TMEM232: variants seen among roughly 807,000 people sequenced by gnomAD.
The protein encoded by TMEM232 is transmembrane protein 232.
TMEM232 carries 80 observed loss-of-function variants against 78.8 expected under a neutral mutation model. That is an observed-to-expected ratio of 1.01 (90% CI 0.85 to 1.22). The LOEUF is 1.22. Ranked by LOEUF, TMEM232 falls within the 50% of genes most tolerant of loss-of-function variation. The pLI is 0.00. For missense variants in TMEM232, 881 were observed against 742.2 expected, an observed-to-expected ratio of 1.19 and a Z score of -2.17; for synonymous variants, 297 against 254.3, an observed-to-expected ratio of 1.17 and a Z score of -1.60.
rs912399599 is a variant in TMEM232, at chr5:110,556,752, G to A, written c.1455+11695C>T. Among the ~76,000 whole-genome samples the A allele has an allele frequency of 2.0e-5, 3 of 152,134 alleles. No individual in the cohort carries two copies. The South Asian group carries it at 6.2e-4, about 32-fold the overall frequency. On this transcript the variant is annotated intron_variant, in intron 11 of 13. Coordinates refer to ENST00000455884, the MANE Select transcript of TMEM232 (RefSeq NM_001039763.4). ...TAGGGTTTCTGCTGAAAGGTCTGCT[G>A]TTAGTCTGATGAGGTTCCCTTTGTA...
At chr5:110,566,782 A>C (rs1449640158) in intron 11 of TMEM232, among the ~76,000 whole-genome samples, 2 of 151,918 alleles carry the variant, frequency 1.3e-5, no homozygotes, top group Non-Finnish European at 2.9e-5. Flanking sequence ...CCAAAGTTGT[A>C]TCCACATTTT....
intron 12 of TMEM232, among the ~76,000 whole-genome samples, chr5:110,463,034 G>C (rs1761707530): frequency 6.6e-6 from 1 of 152,164 alleles, no homozygotes; most frequent in African/African-American, 2.4e-5. Context: ...TGATAAAGCT[G>C]TATCAGGGTT....
At chr5:110,580,459 T>A (rs1489250664) in intron 10 of TMEM232, among the ~76,000 whole-genome samples, 1 of 151,748 alleles carries the variant, frequency 6.6e-6, no homozygotes, top group Non-Finnish European at 1.5e-5. Context: ...TCTAGGTGTG[T>A]GTAAGTATAC....
rs180884235 is a variant in TMEM232 at position 110,441,161 on chromosome 5, A to C, written c.1704-16245T>G. Among the ~76,000 whole-genome samples the C allele has an allele frequency of 2.8e-3, 421 of 152,208 alleles. 2 individuals are homozygous for C. Among genetic ancestry groups the C allele is most frequent in the African/African-American group, 9.9e-3 (411 of 41,558 alleles). On this transcript the variant is annotated intron_variant, in intron 12 of 13. Coordinates refer to ENST00000455884, the MANE Select transcript of TMEM232 (RefSeq NM_001039763.4). Reference sequence around the variant, plus strand: ...CTTGACCATATTGATATTTGGGCTTAGATACTGCTTTGCTGTGGGGGTTGT... The same window carrying C: ...CTTGACCATATTGATATTTGGGCTTCGATACTGCTTTGCTGTGGGGGTTGT...
intron 12 of TMEM232, among the ~76,000 whole-genome samples, chr5:110,486,048 G>T (rs1490862970): frequency 6.6e-6 from 1 of 151,518 alleles, no homozygotes; most frequent in Non-Finnish European, 1.5e-5. Flanking sequence ...TTGTGGTTTT[G>T]ATTTGCATTT....
chr5:110,447,086 A>C (rs1759734586), intron 12 of TMEM232, among the ~76,000 whole-genome samples: 1 of 151,528 alleles, frequency 6.6e-6, no homozygotes. Context: ...CATAGGTACT[A>C]ATTTTGCCAT....
intron 10 of TMEM232, among the ~76,000 whole-genome samples, chr5:110,590,937 G>C (rs952740561): frequency 2.0e-5 from 3 of 152,088 alleles, no homozygotes; most frequent in Non-Finnish European, 4.4e-5. Flanking sequence ...AGAACAGCAT[G>C]AGGGAAACCG....
chr5:110,653,051 A>G (rs1331589761), intron 2 of TMEM232, among the ~76,000 whole-genome samples: 1 of 152,200 alleles, frequency 6.6e-6, no homozygotes, highest in African/African-American at 2.4e-5. Flanking sequence ...CATTTGTTCA[A>G]TAACTATTTA....
chr5:110,400,326 T>A (rs1755543056), intron 2 of TMEM232, among the ~76,000 whole-genome samples: 4 of 152,250 alleles, frequency 2.6e-5, no homozygotes, highest in African/African-American at 9.6e-5. Context: ...CGTGTCATGA[T>A]TTCACTGATA....
intron 1 of TMEM232, among the ~76,000 whole-genome samples, chr5:110,711,997 G>C (rs1796532630): frequency 6.6e-6 from 1 of 151,614 alleles, no homozygotes; most frequent in Non-Finnish European, 1.5e-5. Context: ...AGCTACTCGG[G>C]AGGCTGAGGG....
intron 3 of TMEM232, among the ~76,000 whole-genome samples, chr5:110,393,056 T>G (rs1286140155): frequency 6.6e-6 from 1 of 152,230 alleles, no homozygotes; most frequent in Non-Finnish European, 1.5e-5. Flanking sequence ...TTTCAATTAT[T>G]TTAAATTTAT....
intron 2 of TMEM232, among the ~76,000 whole-genome samples, chr5:110,662,016 G>A (rs565308312): frequency 1.4e-3 from 212 of 152,166 alleles, no homozygotes; most frequent in African/African-American, 4.9e-3. Context: ...TTATTAGGGT[G>A]TTTGAGTTCT....
At position 110,700,750 on chromosome 5, in the gene TMEM232, A is replaced by ATAGG. The variant is rs762244864; in HGVS notation, c.-13+25873_-13+25876dup. Among the ~76,000 whole-genome samples, 60 of 148,002 alleles carry ATAGG rather than the reference A, an allele frequency of 4.1e-4. No individual in the cohort carries two copies. In the East Asian group the frequency reaches 5.3e-3, roughly 13 times the overall value. On this transcript the variant is annotated intron_variant, in intron 1 of 13. Transcript: ENST00000455884. ...GAAGTGAAGATAGATAAATAGGTAG[A>ATAGG]TAGGTAGGTAGGTAGGTAGGTAGAT...
intron 10 of TMEM232, among the ~76,000 whole-genome samples, chr5:110,578,958 T>G (rs868788837): frequency 1.3e-5 from 2 of 151,910 alleles, no homozygotes; most frequent in Middle Eastern, 6.8e-3. Context: ...GGCTGGACAC[T>G]TCGCAAATCT....
intron 11 of TMEM232, among the ~76,000 whole-genome samples, chr5:110,549,899 A>T (rs1442771617): frequency 6.6e-6 from 1 of 152,152 alleles, no homozygotes; most frequent in Non-Finnish European, 1.5e-5. Context: ...TACAAAACTT[A>T]TAAGAAGAAA....
At chr5:110,586,560 ACACCCTTT>A (rs1244496139) in intron 10 of TMEM232, among the ~76,000 whole-genome samples, 1 of 138,816 alleles carries the variant, frequency 7.2e-6, no homozygotes, top group African/African-American at 3.0e-5. Flanking sequence ...ATTTCCATAC[ACACCCTTT>A]CACACACACA....
At chr5:110,655,924 G>T (rs1439785525) in intron 2 of TMEM232, among the ~76,000 whole-genome samples, 9 of 100,220 alleles carry the variant, frequency 9.0e-5, no homozygotes, top group Admixed American at 5.3e-4. Flanking sequence ...GGGGAGGGGG[G>T]AGGGATAGCA....
intron 5 of TMEM232, among the ~76,000 whole-genome samples, chr5:110,635,093 G>A (rs1418327661): frequency 2.6e-5 from 4 of 151,832 alleles, no homozygotes; most frequent in South Asian, 2.1e-4. Flanking sequence ...TGGAGGAAAC[G>A]GATAAATTCC....
In TMEM232 at chr5:110,676,836, G is replaced by A. The variant is rs952766984; in HGVS notation, c.-12-9472C>T. Among the ~76,000 whole-genome samples the A allele has an allele frequency of 5.9e-5, 9 of 151,418 alleles. No individual in the cohort carries two copies. The South Asian group carries it at 1.3e-3, about 21-fold the overall frequency. On this transcript the variant is annotated intron_variant, in intron 1 of 13. Coordinates refer to ENST00000455884, the MANE Select transcript of TMEM232 (RefSeq NM_001039763.4). ...TGCAGTGGAGCAATTTCGGCTCATC[G>A]CAACCTCCACCTCCCCGGTTCGAGC... is the stretch of plus-strand genomic sequence containing the variant.
Sources: allele counts gnomAD v4.1 joint callset (sites outside exome capture counted in the v4.1 genomes callset), GRCh38; gene constraint gnomAD v4.1.1; transcripts MANE v1.5; gene names NCBI Gene and HGNC (gene_info 2026-07-23, HGNC 2026-07-21).